The following EYA1 variants were observed in gnomAD, a reference collection of about 807,000 sequenced individuals.
EYA1 encodes protein phosphatase EYA1.
EYA1 carries 16 observed loss-of-function variants against 82.0 expected under a neutral mutation model. The observed-to-expected ratio is 0.20, with a 90% CI of 0.13 to 0.30. The LOEUF is 0.30. Ranked by LOEUF, EYA1 falls within the 10% of genes least tolerant of loss-of-function variation. The pLI is 1.00. For synonymous variants in EYA1, 261 were observed against 264.4 expected (o/e 0.99, Z 0.12); for missense variants, 633 against 730.7 (o/e 0.87, Z 1.54).
At chr8:71,232,133 C>T (rs953628209) in intron 12 of EYA1, among the ~76,000 whole-genome samples, 5 of 152,218 alleles carry the variant, frequency 3.3e-5, no homozygotes, top group African/African-American at 9.6e-5. Context: ...GGGCAACAAC[C>T]ACCTCCCTTC....
rs191704917 is a variant in EYA1 at position 71,295,611 on chromosome 8, C to T, written c.826+3436G>A. Among the ~76,000 whole-genome samples the T allele has an allele frequency of 1.6e-3, 243 of 152,286 alleles. 2 individuals are homozygous for T. Among genetic ancestry groups the T allele is most frequent in the African/African-American group, 5.7e-3 (237 of 41,552 alleles). ...GAGCAACAGGAACTCTTATTCATTG[C>T]TGATGAGAATACAAAATGGTATAGC... On this transcript the variant is annotated intron_variant, in intron 9 of 17. Transcript: ENST00000340726.
intron 1 of EYA1, among the ~76,000 whole-genome samples, chr8:71,546,282 C>G (rs577520949): frequency 6.6e-6 from 1 of 152,238 alleles, no homozygotes; most frequent in African/African-American, 2.4e-5. Flanking sequence ...AATGCAGAAA[C>G]AATTTTTATC....
At chr8:71,276,551 A>G (rs567420666) in intron 9 of EYA1, among the ~76,000 whole-genome samples, 78 of 152,326 alleles carry the variant, frequency 5.1e-4, no homozygotes, top group Non-Finnish European at 1.1e-3. Flanking sequence ...GAAACTCCTT[A>G]GTGTCTCCAT....
At chr8:71,483,881 G>A (rs1810365683) in intron 2 of EYA1, among the ~76,000 whole-genome samples, 1 of 152,166 alleles carries the variant, frequency 6.6e-6, no homozygotes, top group South Asian at 2.1e-4. Context: ...TTGGAGGTGG[G>A]AAACAAAGGG....
intron 2 of EYA1, among the ~76,000 whole-genome samples, chr8:71,437,100 T>C (rs965703483): frequency 5.4e-5 from 8 of 149,144 alleles, no homozygotes; most frequent in African/African-American, 7.3e-5. Context: ...TATATATATA[T>C]ATATCTTTTA....
chr8:71,398,189 T>C (rs371651394), intron 2 of EYA1, among the ~76,000 whole-genome samples: 1 of 152,174 alleles, frequency 6.6e-6, no homozygotes, highest in East Asian at 1.9e-4. Context: ...TAGCCATTCA[T>C]CTAATCTTTT....
intron 9 of EYA1, among the ~76,000 whole-genome samples, chr8:71,292,551 T>A (rs1289078105): frequency 6.6e-6 from 1 of 152,048 alleles, no homozygotes; most frequent in African/African-American, 2.4e-5. Flanking sequence ...ATTACACATA[T>A]CTTCTAATAA....
At chr8:71,535,671 G>C in intron 2 of EYA1, 1 of 1,098,756 alleles carries the variant, frequency 9.1e-7, no homozygotes, top group Non-Finnish European at 1.3e-6. Flanking sequence ...AGATACTCGG[G>C]TTACAATAAA....
intron 12 of EYA1, among the ~76,000 whole-genome samples, chr8:71,233,755 T>G (rs1242330276): frequency 6.6e-6 from 1 of 152,212 alleles, no homozygotes; most frequent in Non-Finnish European, 1.5e-5. Context: ...ATATCTTGGG[T>G]GTTTTAATTG....
At chr8:71,354,007 T>C (rs1260123005) in intron 3 of EYA1, among the ~76,000 whole-genome samples, 1 of 152,170 alleles carries the variant, frequency 6.6e-6, no homozygotes, top group African/African-American at 2.4e-5. Context: ...TTCCATATGT[T>C]GAAGTTCTAA....
intron 2 of EYA1, among the ~76,000 whole-genome samples, chr8:71,511,722 A>G (rs1394763847): frequency 6.6e-6 from 1 of 152,218 alleles, no homozygotes; most frequent in Non-Finnish European, 1.5e-5. Context: ...TATTGCTTAC[A>G]TGTGGTCACT....
chr8:71,360,065 T>C (rs1328127231), intron 1 of EYA1, among the ~76,000 whole-genome samples: 1 of 152,200 alleles, frequency 6.6e-6, no homozygotes, highest in Non-Finnish European at 1.5e-5. Flanking sequence ...GAGACGTCAA[T>C]GTTTTTTAAA....
chr8:71,368,632 C>A (rs2129086957), intron 2 of EYA1, among the ~76,000 whole-genome samples: 1 of 152,242 alleles, frequency 6.6e-6, no homozygotes, highest in Admixed American at 6.5e-5. Flanking sequence ...GATATGCAGA[C>A]TTTATGCATT....
chr8:71,289,297 T>C (rs1457969456), intron 9 of EYA1, among the ~76,000 whole-genome samples: 1 of 152,176 alleles, frequency 6.6e-6, no homozygotes, highest in African/African-American at 2.4e-5. Context: ...ATCCAAGATA[T>C]CCACAAACTG....
At chr8:71,485,909 T>C (rs1810533263) in intron 2 of EYA1, among the ~76,000 whole-genome samples, 1 of 152,214 alleles carries the variant, frequency 6.6e-6, no homozygotes, top group Admixed American at 6.5e-5. Flanking sequence ...TTATGTTTGA[T>C]GTGTCCTTTA....
At chr8:71,290,487 A>G (rs183283153) in intron 9 of EYA1, among the ~76,000 whole-genome samples, 1 of 152,284 alleles carries the variant, frequency 6.6e-6, no homozygotes, top group Admixed American at 6.5e-5. Flanking sequence ...TATATGCATT[A>G]TTTTGATTAA....
intron 2 of EYA1, among the ~76,000 whole-genome samples, chr8:71,505,300 A>T (rs915623265): frequency 6.6e-6 from 1 of 152,222 alleles, no homozygotes; most frequent in Non-Finnish European, 1.5e-5. Context: ...TCTTATTAAC[A>T]GTCAAGTTTG....
In EYA1 at chr8:71,496,708, C is replaced by T. The variant is rs529902886; in HGVS notation, c.33+39036G>A. On this transcript the variant is annotated intron_variant, in intron 2 of 18. Transcript: ENST00000643681. ...TGGTAGCCTAAAAGAGTTACAGCAACTTCAAAGTGGCCCAGCTTTTACCCT... is the reference window on the plus strand; with the variant it reads ...TGGTAGCCTAAAAGAGTTACAGCAATTTCAAAGTGGCCCAGCTTTTACCCT... Among the ~76,000 whole-genome samples, 4 of 152,126 alleles carry T rather than the reference C, an allele frequency of 2.6e-5. No homozygotes were observed. In the South Asian group the frequency reaches 8.3e-4, roughly 31 times the overall value.
chr8:71,394,110 A>C (rs549131689), intron 2 of EYA1, among the ~76,000 whole-genome samples: 2 of 152,154 alleles, frequency 1.3e-5, no homozygotes, highest in East Asian at 3.9e-4. Flanking sequence ...GTCTGTTCCT[A>C]TCCTTCACTC....
Sources: allele counts gnomAD v4.1 joint callset (sites outside exome capture counted in the v4.1 genomes callset), GRCh38; gene constraint gnomAD v4.1.1; transcripts MANE v1.5; gene names NCBI Gene and HGNC (gene_info 2026-07-23, HGNC 2026-07-21).